Variants in ZNRF2 observed in about 807,000 individuals in gnomAD.
ZNRF2 encodes the protein E3 ubiquitin-protein ligase ZNRF2.
In ZNRF2, 16 loss-of-function variants were observed where a neutral mutation model predicts 20.4. The ratio of observed to expected loss-of-function variants is 0.79; its 90% CI spans 0.53 to 1.19. ZNRF2 has a LOEUF of 1.19. ZNRF2 is among the 50% of genes most tolerant of loss of function. ZNRF2 has a pLI of 0.00. For missense variants in ZNRF2, 363 were observed against 332.4 expected, an observed-to-expected ratio of 1.09 and a Z score of -0.72; for synonymous variants, 178 against 144.9, an observed-to-expected ratio of 1.23 and a Z score of -1.64.
chr7:30,306,417 A>AATAATAAAAGC (rs1799206487), intron 1 of ZNRF2, among the ~76,000 whole-genome samples: 1 of 152,184 alleles, frequency 6.6e-6, no homozygotes, highest in Non-Finnish European at 1.5e-5. Flanking sequence ...AAATACTTAA[A>AATAATAAAAGC]ATAATAAAAG....
At chr7:30,298,958 C>A (rs186414804) in intron 1 of ZNRF2, among the ~76,000 whole-genome samples, 152 of 152,296 alleles carry the variant, frequency 1.0e-3, no homozygotes, top group African/African-American at 3.4e-3. Context: ...TCTAAAGGTA[C>A]TGCTTTTTAT....
rs1489563739 is a variant in ZNRF2 at position 30,289,720 on chromosome 7, A to C, written c.469+3894A>C. Reference sequence around the variant, plus strand: ...TTTTTTGGAATTATTCTTGACTGCAAGGTGGGGAGGATTGGTGAGTTGCAC... The same window carrying C: ...TTTTTTGGAATTATTCTTGACTGCACGGTGGGGAGGATTGGTGAGTTGCAC... On this transcript the variant is annotated intron_variant, in intron 1 of 4. Transcript: ENST00000323037. 4 of 515,636 alleles carry C rather than the reference A, an allele frequency of 7.8e-6. No individual in the cohort carries two copies. In the African/African-American group the frequency reaches 7.8e-5, roughly 10 times the overall value. The allele number at this position is 515,636 out of a possible 1,614,324, so 31.9% of individuals were successfully genotyped here.
intron 2 of ZNRF2, among the ~76,000 whole-genome samples, chr7:30,353,700 A>C (rs1420385710): frequency 6.6e-6 from 1 of 152,128 alleles, no homozygotes; most frequent in Non-Finnish European, 1.5e-5. Context: ...TGAAAATGAG[A>C]TGCGTCTAAA....
intron 4 of ZNRF2, among the ~76,000 whole-genome samples, chr7:30,364,853 T>G (rs1457938798): frequency 1.3e-5 from 2 of 152,200 alleles, no homozygotes; most frequent in Non-Finnish European, 2.9e-5. Context: ...GACAGAAATT[T>G]AGTGCTCACA....
intron 2 of ZNRF2, among the ~76,000 whole-genome samples, chr7:30,330,995 A>T (rs1583585132): frequency 6.6e-6 from 1 of 152,166 alleles, no homozygotes; most frequent in Non-Finnish European, 1.5e-5. Flanking sequence ...CTTACATTGT[A>T]AGGCAGAATT....
At chr7:30,360,759 C>CA (rs1199621782) in intron 3 of ZNRF2, among the ~76,000 whole-genome samples, 3 of 151,878 alleles carry the variant, frequency 2.0e-5, no homozygotes, top group Admixed American at 6.6e-5. Flanking sequence ...TCAAATTGAG[C>CA]AAAAAAAGCA....
chr7:30,302,311 G>T (rs1414170436), intron 1 of ZNRF2, among the ~76,000 whole-genome samples: 1 of 152,122 alleles, frequency 6.6e-6, no homozygotes, highest in African/African-American at 2.4e-5. Flanking sequence ...AACTGGAAAT[G>T]TTCTCTAATA....
At chr7:30,353,928 T>C (rs528510494) in intron 2 of ZNRF2, among the ~76,000 whole-genome samples, 45 of 152,254 alleles carry the variant, frequency 3.0e-4, no homozygotes, top group African/African-American at 1.0e-3. Context: ...ATATACCATA[T>C]TACTTGGAAT....
In ZNRF2 at chr7:30,314,965, T is replaced by C. The variant is rs970655703; in HGVS notation, c.470-8677T>C. Among the ~76,000 whole-genome samples, 7 of 152,112 alleles carry C rather than the reference T, an allele frequency of 4.6e-5. No homozygotes were observed. In the East Asian group the frequency reaches 7.7e-4, roughly 17 times the overall value. ...CTGAGTAGCTGGGACTACAGTCGCC[T>C]GCCACCATGTCTGGCTAATTTTTTG... is the stretch of plus-strand genomic sequence containing the variant. On this transcript the variant is annotated intron_variant, in intron 1 of 4. Coordinates refer to ENST00000323037, the MANE Select transcript of ZNRF2 (RefSeq NM_147128.4).
Position 30,314,262 on chromosome 7 carries a change from TTGTAATTTTC to T in ZNRF2, c.470-9378_470-9369del, listed in dbSNP as rs562669160. 3.4e-3 allele frequency among the ~76,000 whole-genome samples: 515 copies of T among 152,344 alleles called. 6 individuals carry two copies. The highest frequency in any genetic ancestry group is 0.012 in the African/African-American group (490 of 41,584). ...AGATGACCTTTATTTTCTAATAAAGTTGTAATTTTCTCTGTCAGAATTATTTTCTATACAT... is the reference window on the plus strand; with the variant it reads ...AGATGACCTTTATTTTCTAATAAAGTTCTGTCAGAATTATTTTCTATACAT... On this transcript the variant is annotated intron_variant, in intron 1 of 4. Transcript: ENST00000323037.
In ZNRF2 at chr7:30,366,075, T is replaced by C. The variant is rs42593; in HGVS notation, c.*63T>C. 12,882 of 152,456 alleles carry C rather than the reference T, an allele frequency of 0.084. 727 individuals are homozygous for C. Among genetic ancestry groups the C allele is most frequent in the African/African-American group, 0.16 (6,438 of 41,490 alleles). The allele number at this position is 152,456 out of a possible 1,614,324, so 9.4% of individuals were successfully genotyped here. On this transcript the variant is annotated 3_prime_UTR_variant, in exon 5 of 5. Coordinates refer to ENST00000323037, the MANE Select transcript of ZNRF2 (RefSeq NM_147128.4). ...CAAGATGCTTGAAAAACCAAGAGGA[T>C]ATGAAAATCTGTCTCTGGAGAAACA...
At chr7:30,333,344 G>T (rs2127949758) in intron 2 of ZNRF2, among the ~76,000 whole-genome samples, 1 of 147,890 alleles carries the variant, frequency 6.8e-6, no homozygotes, top group African/African-American at 2.5e-5. Flanking sequence ...ATGAGCCACT[G>T]CGCCTGGCCA....
chr7:30,325,912 T>G (rs1799543515), intron 2 of ZNRF2, among the ~76,000 whole-genome samples: 1 of 152,216 alleles, frequency 6.6e-6, no homozygotes, highest in African/African-American at 2.4e-5. Context: ...TATATGGGTT[T>G]GTTTTTCATA....
chr7:30,363,251 A>G (rs1055186686), intron 4 of ZNRF2, among the ~76,000 whole-genome samples: 1 of 152,240 alleles, frequency 6.6e-6, no homozygotes, highest in Non-Finnish European at 1.5e-5. Context: ...AAACCAAAAA[A>G]TAATAATTCT....
chr7:30,288,254 A>G (rs7776984), intron 1 of ZNRF2, among the ~76,000 whole-genome samples: 1,746 of 152,338 alleles, frequency 0.011, 33 homozygotes, highest in African/African-American at 0.039. Context: ...ATAAATGGTT[A>G]TATACAAATA....
intron 4 of ZNRF2, among the ~76,000 whole-genome samples, chr7:30,363,496 T>C (rs1800160840): frequency 6.6e-6 from 1 of 152,216 alleles, no homozygotes; most frequent in South Asian, 2.1e-4. Flanking sequence ...AGACTGTTCT[T>C]AGCAATTTTG....
Position 30,362,409 on chromosome 7 carries a change from C to G in ZNRF2, c.704C>G (p.Ser235Cys). The G allele has an allele frequency of 6.3e-7, 1 of 1,597,198 alleles. No individual in the cohort carries two copies. The highest frequency in any genetic ancestry group is 8.6e-7 in the Non-Finnish European group (1 of 1,169,182). ...CIDEWFEVNR[S>C]CPEHPSD ...GATGAATGGTTTGAAGTAAATAGAT[C>G]TTGCCCTGAGCACCCTTCAGATTAA... The change falls in exon 4 of 5, where the codon TCT becomes TGT. Residue 235 changes from serine to cysteine, a missense_variant. This residue lies in a region of ZNRF2 where 61 missense variants were observed against 100.9 expected (regional missense o/e 0.60). Coordinates refer to ENST00000323037, the MANE Select transcript of ZNRF2 (RefSeq NM_147128.4).
At chr7:30,305,126 C>G (rs1357189726) in intron 1 of ZNRF2, among the ~76,000 whole-genome samples, 1 of 152,104 alleles carries the variant, frequency 6.6e-6, no homozygotes, top group Non-Finnish European at 1.5e-5. Flanking sequence ...ATTCTGTGTT[C>G]AATGATACCA....
intron 2 of ZNRF2, among the ~76,000 whole-genome samples, chr7:30,342,017 G>C (rs1347465323): frequency 6.9e-6 from 1 of 144,908 alleles, no homozygotes; most frequent in East Asian, 2.0e-4. Context: ...TTTAAAGTCT[G>C]TTTTATCAGA....
Sources: allele counts gnomAD v4.1 joint callset (sites outside exome capture counted in the v4.1 genomes callset), GRCh38; gene constraint gnomAD v4.1.1; regional missense constraint gnomAD v4.1.1; transcripts MANE v1.5; gene names NCBI Gene and HGNC (gene_info 2026-07-23, HGNC 2026-07-21).